The following STYXL1 variants were observed in gnomAD, a reference collection of about 807,000 sequenced individuals.
STYXL1 encodes the protein serine/threonine/tyrosine-interacting-like protein 1.
Under a neutral mutation model 36.4 loss-of-function variants are expected in STYXL1, and 32 were observed. That is an observed-to-expected ratio of 0.88 (90% confidence interval 0.66 to 1.18). The LOEUF (loss-of-function observed/expected upper bound fraction) is 1.18. Among genes scored for constraint, STYXL1 ranks in the 50% most tolerant of loss-of-function variants. STYXL1 has a pLI of 0.00. For missense variants in STYXL1, 354 were observed against 394.1 expected, an observed-to-expected ratio of 0.90 and a Z score of 0.86; for synonymous variants, 133 against 144.1, an observed-to-expected ratio of 0.92 and a Z score of 0.55.
chr7:76,036,051 G>C lies in STYXL1; in HGVS notation c.-4-5524C>G, dbSNP rs140793174. ...TAGCCTTGGGTAAGTTGAGGACTGA[G>C]CACAAGTAACCATCCCATTTGGTGC... On this transcript the variant is annotated intron_variant, in intron 1 of 8. Coordinates refer to ENST00000359697, the MANE Select transcript of STYXL1 (RefSeq NM_001317785.2). Among the ~76,000 whole-genome samples, 4 of 149,904 alleles carry C rather than the reference G, an allele frequency of 2.7e-5. 1 individual carries two copies. Among genetic ancestry groups the C allele is most frequent in the African/African-American group, 9.7e-5 (4 of 41,034 alleles).
intron 3 of STYXL1, among the ~76,000 whole-genome samples, chr7:76,025,418 G>A (rs1794580887): frequency 6.6e-6 from 1 of 152,322 alleles, no homozygotes; most frequent in Non-Finnish European, 1.5e-5. Flanking sequence ...AGACTTGAGA[G>A]CTGAGTGGGA....
rs1585191326 is a variant in STYXL1 at position 76,005,241 on chromosome 7, T to C, written c.599+18A>G. 1 of 1,345,614 alleles carries C rather than the reference T, an allele frequency of 7.4e-7. No homozygotes were observed. Among genetic ancestry groups the C allele is most frequent in the East Asian group, 2.7e-5 (1 of 36,586 alleles). The allele number at this position is 1,345,614 out of a possible 1,614,324, so 83.4% of individuals were successfully genotyped here. ...AAAAATAAAATGAAATATAAATCAGTAGTTTCTCTTTACTTACAAGGGCCC... is the reference window on the plus strand; with the variant it reads ...AAAAATAAAATGAAATATAAATCAGCAGTTTCTCTTTACTTACAAGGGCCC... On this transcript the variant is annotated intron_variant, in intron 6 of 8. Coordinates refer to ENST00000359697, the MANE Select transcript of STYXL1 (RefSeq NM_001317785.2).
intron 1 of STYXL1, among the ~76,000 whole-genome samples, chr7:76,034,458 ATT>A (rs1795721811): frequency 1.3e-5 from 2 of 152,108 alleles, no homozygotes; most frequent in South Asian, 4.1e-4. Context: ...ACGGCTGAGC[ATT>A]GTTTCTTCCC....
chr7:76,000,865 C>T (rs2302434), intron 8 of STYXL1, 25 bp downstream of exon 8: 290,518 of 1,603,972 alleles, frequency 0.18, 27,965 homozygotes, highest in East Asian at 0.3. Context: ...GGCCGTGGTG[C>T]GAGCCTGGCC....
At chr7:76,036,704 G>A (rs1585329424) in intron 1 of STYXL1, among the ~76,000 whole-genome samples, 1 of 136,874 alleles carries the variant, frequency 7.3e-6, no homozygotes, top group Non-Finnish European at 1.6e-5. Context: ...TTTTCCTGGT[G>A]ACCTGTTCAA....
intron 2 of STYXL1, among the ~76,000 whole-genome samples, chr7:76,028,985 G>A (rs891243323): frequency 4.6e-5 from 7 of 151,930 alleles, no homozygotes; most frequent in Admixed American, 1.3e-4. Flanking sequence ...TTAGCCGGGC[G>A]TGGTGGCAGC....
chr7:76,014,803 CATAT>C (rs61175361), intron 4 of STYXL1, among the ~76,000 whole-genome samples: 8 of 151,940 alleles, frequency 5.3e-5, no homozygotes, highest in African/African-American at 1.9e-4. Flanking sequence ...ATTTATACCA[CATAT>C]ATATGTCAAC....
intron 5 of STYXL1, among the ~76,000 whole-genome samples, chr7:76,006,743 G>T (rs548504970): frequency 2.1e-5 from 3 of 142,594 alleles, no homozygotes. Flanking sequence ...CAGCCTGGGC[G>T]ACAGAATGAG....
intron 1 of STYXL1, among the ~76,000 whole-genome samples, chr7:76,046,274 C>CTGTGTGTGTGTGTGTGTGTG (rs782245806): frequency 6.8e-5 from 7 of 103,176 alleles, no homozygotes; most frequent in African/African-American, 2.6e-4. Flanking sequence ...AGCTTATCTG[C>CTGTGTGTGTGTGTGTGTGTG]TGTGTGTGTG....
chr7:76,012,560 TGAATTTCTGTATTTTTG>T, intron 5 of STYXL1, among the ~76,000 whole-genome samples: 2 of 152,140 alleles, frequency 1.3e-5, no homozygotes. Context: ...CTATGCCCGG[TGAATTTCTGTATTTTTG>T]GTAGTCAGGG....
intron 5 of STYXL1, among the ~76,000 whole-genome samples, chr7:76,007,573 C>G (rs181543635): frequency 6.6e-6 from 1 of 152,200 alleles, no homozygotes. Flanking sequence ...TACAAACGGA[C>G]AGCTGTATCT....
chr7:76,026,287 A>G (rs1794720704), intron 3 of STYXL1, among the ~76,000 whole-genome samples: 1 of 142,670 alleles, frequency 7.0e-6, no homozygotes, highest in Non-Finnish European at 1.5e-5. Flanking sequence ...GGGGAATTTT[A>G]GAAGACAAAG....
chr7:76,046,547 AC>A (rs1797109356), intron 1 of STYXL1, among the ~76,000 whole-genome samples: 1 of 151,390 alleles, frequency 6.6e-6, no homozygotes, highest in Non-Finnish European at 1.5e-5. Flanking sequence ...GGGTTTCGCC[AC>A]ATTAGCCAGT....
rs552229083 is a variant in STYXL1, at chr7:76,025,523, C to T, written c.165+3119G>A. Among the ~76,000 whole-genome samples the T allele has an allele frequency of 5.1e-4, 77 of 152,238 alleles. 1 individual carries two copies. In the South Asian group the frequency reaches 0.016, roughly 31 times the overall value. ...TAAGATTATGGGCCTGGTGTGGTGGCTCATGCCTGTAATCCCAGCACTTTG... is the reference window on the plus strand; with the variant it reads ...TAAGATTATGGGCCTGGTGTGGTGGTTCATGCCTGTAATCCCAGCACTTTG... On this transcript the variant is annotated intron_variant, in intron 3 of 8. Coordinates refer to ENST00000359697, the MANE Select transcript of STYXL1 (RefSeq NM_001317785.2).
intron 5 of STYXL1, among the ~76,000 whole-genome samples, chr7:76,012,659 T>C (rs1792695648): frequency 6.6e-6 from 1 of 152,190 alleles, no homozygotes; most frequent in Non-Finnish European, 1.5e-5. Context: ...CCTCCAAAAG[T>C]GCTGGGATTA....
chr7:76,027,081 A>G (rs144179497), intron 3 of STYXL1, among the ~76,000 whole-genome samples: 7 of 152,032 alleles, frequency 4.6e-5, no homozygotes, highest in African/African-American at 1.2e-4. Context: ...AAAAAAAAGA[A>G]TAAAGAAAAG....
At chr7:76,023,931 T>A (rs1263168310) in intron 3 of STYXL1, among the ~76,000 whole-genome samples, 6 of 152,106 alleles carry the variant, frequency 3.9e-5, no homozygotes, top group African/African-American at 1.4e-4. Context: ...GAGAATGGCT[T>A]GAACCCGGGA....
chr7:76,007,263 G>A (rs781788929), intron 5 of STYXL1, among the ~76,000 whole-genome samples: 9 of 151,702 alleles, frequency 5.9e-5, no homozygotes, highest in Non-Finnish European at 8.8e-5. Context: ...CCATCTCCAC[G>A]AAAAACACAA....
At chr7:76,017,312 C>T (rs144439699) in intron 4 of STYXL1, among the ~76,000 whole-genome samples, 2,212 of 152,116 alleles carry the variant, frequency 0.015, 67 homozygotes, top group East Asian at 0.12. Flanking sequence ...CATGAGCCAC[C>T]GTGCCCGGCC....
Sources: allele counts gnomAD v4.1 joint callset (sites outside exome capture counted in the v4.1 genomes callset), GRCh38; gene constraint gnomAD v4.1.1; transcripts MANE v1.5; gene names NCBI Gene and HGNC (gene_info 2026-07-23, HGNC 2026-07-21).